Variants in ZNF331 observed in about 807,000 individuals in gnomAD.
The protein encoded by ZNF331 is zinc finger protein 331, also known as C2H2-like zinc finger protein rearranged in thyroid adenomas.
In ZNF331, 2 loss-of-function variants were observed where a neutral mutation model predicts 7.0. The observed-to-expected ratio is 0.29, with a 90% CI of 0.12 to 0.90. The LOEUF is 0.90. ZNF331 is among the 40% of genes least tolerant of loss of function. The pLI is 0.58. For synonymous variants in ZNF331, 196 were observed against 205.4 expected (o/e 0.95, Z 0.39); for missense variants, 432 against 587.7 (o/e 0.74, Z 2.74).
At chr19:53,563,198 C>A (rs1034934493) in intron 3 of ZNF331, among the ~76,000 whole-genome samples, 2 of 150,086 alleles carry the variant, frequency 1.3e-5, no homozygotes, top group African/African-American at 4.9e-5. Context: ...AGCGATTCTC[C>A]TGCCTCAGCC....
At position 53,579,941 on chromosome 19, in the gene ZNF331, G is replaced by A. The variant is rs894505256; in HGVS notation, c.*1989G>A. On this transcript the variant is annotated 3_prime_UTR_variant, in exon 6 of 6. Coordinates refer to ENST00000449416, the MANE Select transcript of ZNF331 (RefSeq NM_001079906.2). ...TTTAAAGGGGAGAAAACTTCAGCAC[G>A]TCTCAACAGAAGACCACCAAATGGC... is the stretch of plus-strand genomic sequence containing the variant. 3 of 205,292 alleles carry A rather than the reference G, an allele frequency of 1.5e-5. No individual in the cohort carries two copies. Among genetic ancestry groups the A allele is most frequent in the Non-Finnish European group, 2.0e-5 (2 of 100,540 alleles). 12.7% of individuals were successfully genotyped at this position (205,292 alleles called of 1,614,324 possible).
chr19:53,517,517 A>T (rs2086930748), upstream of ZNF331, among the ~76,000 whole-genome samples: 1 of 152,174 alleles, frequency 6.6e-6, no homozygotes, highest in South Asian at 2.1e-4. Flanking sequence ...CTGCTGCCAA[A>T]GTTTCTACCC....
intron 2 of ZNF331, among the ~76,000 whole-genome samples, chr19:53,531,615 G>A (rs984087319): frequency 7.9e-5 from 12 of 152,194 alleles, no homozygotes; most frequent in Admixed American, 1.3e-4. Flanking sequence ...GTTTGAGTAC[G>A]TGACAAGGTT....
intron 3 of ZNF331, among the ~76,000 whole-genome samples, chr19:53,556,399 G>A (rs1449517696): frequency 1.3e-5 from 2 of 151,784 alleles, no homozygotes; most frequent in Non-Finnish European, 2.9e-5. Context: ...TGTCTATTTT[G>A]CACACACCTC....
chr19:53,572,098 AT>A (rs1568541358), intron 5 of ZNF331, among the ~76,000 whole-genome samples: 1 of 152,148 alleles, frequency 6.6e-6, no homozygotes, highest in African/African-American at 2.4e-5. Flanking sequence ...TAGGGAAAAC[AT>A]GTGGACACAG....
chr19:53,509,869 A>C, the ZNF331 span, among the ~76,000 whole-genome samples: 117 of 152,316 alleles, frequency 7.7e-4, 2 homozygotes, highest in East Asian at 0.014. Context: ...AGGCCTCAGG[A>C]AACTTACAGT....
upstream of ZNF331, among the ~76,000 whole-genome samples, chr19:53,516,473 T>G (rs933874386): frequency 6.6e-6 from 1 of 151,748 alleles, no homozygotes; most frequent in Non-Finnish European, 1.5e-5. Context: ...AAAGTATTAA[T>G]TGCCTATGGT....
At chr19:53,529,951 T>G (rs1433213972) in intron 2 of ZNF331, among the ~76,000 whole-genome samples, 3 of 151,658 alleles carry the variant, frequency 2.0e-5, no homozygotes, top group Non-Finnish European at 4.4e-5. Flanking sequence ...CATTCTTGCA[T>G]TGCTATCAAG....
rs1034191714 is a variant in ZNF331, at chr19:53,560,650, T to C, written c.-74+4742T>C. 3.9e-5 allele frequency among the ~76,000 whole-genome samples: 6 copies of C among 152,158 alleles called. No homozygotes were observed. The Middle Eastern group carries it at 0.013, about 321-fold the overall frequency. On this transcript the variant is annotated intron_variant, in intron 3 of 5. Transcript: ENST00000449416. The surrounding 1 kb of genome is among the most constrained non-coding windows in gnomAD (Gnocchi z 4.3). ...GGGCTAAAACCAGGTTGTTGGAGGCTGTAGGAGATATTCTGTGTCCTTGCT... is the reference window on the plus strand; with the variant it reads ...GGGCTAAAACCAGGTTGTTGGAGGCCGTAGGAGATATTCTGTGTCCTTGCT...
intron 2 of ZNF331, among the ~76,000 whole-genome samples, chr19:53,526,787 C>T (rs1204638288): frequency 6.6e-6 from 1 of 151,316 alleles, no homozygotes; most frequent in African/African-American, 2.4e-5. Flanking sequence ...CTCCTGACCT[C>T]GTGATCCGCC....
rs1280928198 is a variant in ZNF331, at chr19:53,560,830, T to A, written c.-74+4922T>A. On this transcript the variant is annotated intron_variant, in intron 3 of 5. Transcript: ENST00000449416. This position sits in a 1 kb window ranked among gnomAD's most constrained non-coding sequence, Gnocchi z 4.3. ...GGTCATTACATTGCGCTTGCTTCTA[T>A]AACTCAAGAGAATCTTCCGTATGTT... Among the ~76,000 whole-genome samples the A allele has an allele frequency of 3.0e-4, 46 of 152,300 alleles. No individual in the cohort carries two copies. The highest frequency in any genetic ancestry group is 6.2e-4 in the South Asian group (3 of 4,824).
At position 53,521,331 on chromosome 19, in the gene ZNF331, A is replaced by AGTGT. The variant is rs755487590; in HGVS notation, c.-998_-995dup. ...GAGCAGGGAAGTGGGAGTGTGTGTG[A>AGTGT]GTGTGTGTGTGTGTGTGTGTGTGTG... On this transcript the variant is annotated 5_prime_UTR_variant, in exon 1 of 7. Transcript: ENST00000253144. The AGTGT allele has an allele frequency of 7.1e-3, 911 of 129,198 alleles. 13 individuals are homozygous for AGTGT. Among genetic ancestry groups the AGTGT allele is most frequent in the African/African-American group, 0.017 (554 of 33,566 alleles). The allele number at this position is 129,198 out of a possible 1,614,324, so 8.0% of individuals were successfully genotyped here.
At chr19:53,548,574 C>T (rs543050992) in intron 2 of ZNF331, among the ~76,000 whole-genome samples, 195 of 152,220 alleles carry the variant, frequency 1.3e-3, no homozygotes, top group African/African-American at 4.4e-3. Context: ...GGATATTAAC[C>T]CCTTATCAGA....
chr19:53,540,184 T>C (rs1215060588), intron 2 of ZNF331, among the ~76,000 whole-genome samples: 1 of 152,194 alleles, frequency 6.6e-6, no homozygotes, highest in African/African-American at 2.4e-5. Flanking sequence ...CTTAATTTAT[T>C]CTTACCTTAG....
the ZNF331 span, among the ~76,000 whole-genome samples, chr19:53,506,508 G>GTC: frequency 1.8e-4 from 15 of 85,490 alleles, no homozygotes; most frequent in East Asian, 1.4e-3. Context: ...CTCTCTCTCT[G>GTC]TCTCTCTCTC....
chr19:53,532,828 C>T (rs1291221145), intron 2 of ZNF331, among the ~76,000 whole-genome samples: 2 of 152,008 alleles, frequency 1.3e-5, no homozygotes, highest in East Asian at 1.9e-4. Flanking sequence ...TAGTCTCTCA[C>T]GATTCTTTGT....
In ZNF331 at chr19:53,571,692, A is replaced by T; in HGVS notation, c.98A>T (p.Asp33Val). The change falls in exon 5 of 6, where the codon GAC becomes GTC. Residue 33 changes from aspartate (D) to valine (V), a missense_variant. Asp to Val is a radical substitution (Grantham distance 152). Transcript: ENST00000449416. The surrounding 1 kb of genome is among the most constrained non-coding windows in gnomAD (Gnocchi z 4.7). Reference sequence around the variant, plus strand: ...TCTGCTCAGAGGGACCTGTACTGGGACGTGATGCTGGAGAACTACAGTAAC... The same window carrying T: ...TCTGCTCAGAGGGACCTGTACTGGGTCGTGATGCTGGAGAACTACAGTAAC... ...LNSAQRDLYW[D>V]VMLENYSNLV... 1.9e-6 allele frequency: 3 copies of T among 1,613,652 alleles called. No homozygotes were observed. The East Asian group carries it at 6.7e-5, about 36-fold the overall frequency.
chr19:53,520,538 A>C (rs1415833314), upstream of ZNF331, among the ~76,000 whole-genome samples: 2 of 152,200 alleles, frequency 1.3e-5, no homozygotes, highest in Non-Finnish European at 2.9e-5. Context: ...CCAGCATTTG[A>C]AGATTCTGCC....
rs2090582187 is a variant in ZNF331 at position 53,573,909 on chromosome 19, T to C, written c.136+2179T>C. Among the ~76,000 whole-genome samples the C allele has an allele frequency of 6.6e-6, 1 of 152,124 alleles. No homozygotes were observed. Reference sequence around the variant, plus strand: ...GGGCAGATCACCTGAAGTCAGGACTTCAAGACCAGCCTGGCCAACATGGTG... The same window carrying C: ...GGGCAGATCACCTGAAGTCAGGACTCCAAGACCAGCCTGGCCAACATGGTG... On this transcript the variant is annotated intron_variant, in intron 5 of 5. Coordinates refer to ENST00000449416, the MANE Select transcript of ZNF331 (RefSeq NM_001079906.2). This position sits in a 1 kb window ranked among gnomAD's most constrained non-coding sequence, Gnocchi z 4.2.
Sources: gnomAD v4.1 joint callset for allele counts (sites outside exome capture counted in the v4.1 genomes callset) on GRCh38, gnomAD v4.1.1 for gene constraint, Gnocchi (gnomAD v3.1) non-coding constraint, MANE v1.5 for transcripts, NCBI Gene and HGNC (gene_info 2026-07-23, HGNC 2026-07-21) for gene names.